The following ZNF106 variants were observed in gnomAD, a reference collection of about 807,000 sequenced individuals.
The protein encoded by ZNF106 is zinc finger protein 106, also known as SH3-domain binding protein 3.
A neutral mutation model predicts 195.1 loss-of-function variants in ZNF106; 67 were observed. The ratio of observed to expected loss-of-function variants is 0.34; its 90% CI spans 0.28 to 0.42. ZNF106 has a LOEUF of 0.42. Among genes scored for constraint, ZNF106 ranks in the 10% least tolerant of loss-of-function variants. The probability of loss-of-function intolerance (pLI) is 1.00; values close to 1 mark genes in which losing one functional copy is unlikely to be tolerated. For synonymous variants in ZNF106, 784 were observed against 818.6 expected (o/e 0.96, Z 0.72); for missense variants, 2,118 against 2,304.5 (o/e 0.92, Z 1.66).
At position 42,416,734 on chromosome 15, in the gene ZNF106, C is replaced by T. The variant is rs1007233324; in HGVS notation, c.*570G>A. 6.6e-6 allele frequency: 1 copy of T among 152,242 alleles called. No homozygotes were observed. The highest frequency in any genetic ancestry group is 1.5e-5 in the Non-Finnish European group (1 of 68,066). 9.4% of individuals were successfully genotyped at this position (152,242 alleles called of 1,614,324 possible). The stretch of plus-strand genomic sequence containing the variant: ...CAAAAATCTACTGTGTCCTTTAGCA[C>T]TTAAAGCCAGCTCTATCTATAAAGC... On this transcript the variant is annotated 3_prime_UTR_variant, in exon 22 of 22. Coordinates refer to ENST00000564754, the MANE Select transcript of ZNF106 (RefSeq NM_001366845.3).
intron 17 of ZNF106, among the ~76,000 whole-genome samples, chr15:42,423,314 G>T (rs1452609110): frequency 6.6e-6 from 1 of 151,726 alleles, no homozygotes; most frequent in Non-Finnish European, 1.5e-5. Flanking sequence ...AGGCTGCAGT[G>T]AGTCAAGATC....
intron 13 of ZNF106, among the ~76,000 whole-genome samples, chr15:42,435,836 A>G (rs1293221853): frequency 6.6e-6 from 1 of 152,240 alleles, no homozygotes; most frequent in Admixed American, 6.5e-5. Flanking sequence ...AGGACCTAGC[A>G]AATCCAAACT....
At chr15:42,431,540 C>T (rs1234490608) in intron 14 of ZNF106, among the ~76,000 whole-genome samples, 1 of 151,934 alleles carries the variant, frequency 6.6e-6, no homozygotes, top group Non-Finnish European at 1.5e-5. Context: ...ATTACAGGCA[C>T]GTACCACCAG....
chr15:42,417,986 AAG>A lies in ZNF106; in HGVS notation c.5518-37_5518-36del, dbSNP rs370787557. 148 of 1,605,180 alleles carry A rather than the reference AAG, an allele frequency of 9.2e-5. No homozygotes were observed. In the African/African-American group the frequency reaches 1.8e-3, roughly 19 times the overall value. ...AAGAAAATGAGGAGACTCGGTGAAA[AAG>A]GGTGCAGTGAACGTGAATCAGAACA... On this transcript the variant is annotated intron_variant, in intron 20 of 21. Transcript: ENST00000564754.
intron 20 of ZNF106, among the ~76,000 whole-genome samples, chr15:42,420,270 C>A (rs1303364814): frequency 6.6e-6 from 1 of 152,120 alleles, no homozygotes; most frequent in Non-Finnish European, 1.5e-5. Context: ...CTCCATCTTG[C>A]CCAGATGTGA....
At chr15:42,465,089 T>C (rs1294161873) in intron 3 of ZNF106, among the ~76,000 whole-genome samples, 1 of 152,194 alleles carries the variant, frequency 6.6e-6, no homozygotes, top group Non-Finnish European at 1.5e-5. Flanking sequence ...ACTAATACAA[T>C]GGGGTTTCCC....
At chr15:42,445,281 C>T (rs1420043357) in intron 7 of ZNF106, among the ~76,000 whole-genome samples, 1 of 152,216 alleles carries the variant, frequency 6.6e-6, no homozygotes, top group East Asian at 1.9e-4. Flanking sequence ...ATGCAAACCA[C>T]CTGTTCTAGG....
In ZNF106 at chr15:42,450,488, G is replaced by A; in HGVS notation, c.1784C>T (p.Ser595Phe). The A allele has an allele frequency of 6.2e-7, 1 of 1,613,754 alleles. No individual in the cohort carries two copies. The highest frequency in any genetic ancestry group is 1.1e-5 in the South Asian group (1 of 91,002). ...CTCAATTTTCAAAGACCCTTTTTCA[G>A]ATTCTTCTACATTTCTACTTGCTTT... ...YAKASRNVEE[S>F]EKGSLKIEFQ... The change falls in exon 5 of 22, where the codon TCT (serine) becomes TTT (phenylalanine). Residue 595 changes from serine (S) to phenylalanine (F), a missense_variant. By Grantham distance (155) the Ser-to-Phe change is radical (BLOSUM62 -2). Coordinates refer to ENST00000564754, the MANE Select transcript of ZNF106 (RefSeq NM_001366845.3).
Position 42,421,921 on chromosome 15 carries a change from C to A in ZNF106, c.5441G>T (p.Ser1814Ile). 1 of 1,550,916 alleles carries A rather than the reference C, an allele frequency of 6.4e-7. No homozygotes were observed. Among genetic ancestry groups the A allele is most frequent in the Middle Eastern group, 1.7e-4 (1 of 5,776 alleles). The change falls in exon 19 of 22, where the codon AGC (serine) becomes ATC (isoleucine). Residue 1814 changes from serine to isoleucine, a missense_variant. Transcript: ENST00000564754. ...DMIMCMTIHK[S>I]MIYTGCYDGS... ...TACATGACAAATAACACTCACCATG[C>A]TTTTATGGATGGTCATACACATAAT...
rs777932261 is a variant in ZNF106 at position 42,438,612 on chromosome 15, C to T, written c.4600G>A (p.Glu1534Lys). The change falls in exon 12 of 22, where the codon GAA (glutamate) becomes AAA (lysine). Residue 1534 changes from glutamate (E) to lysine (K), a missense_variant and splice_region_variant. Physicochemically the swap from Glu to Lys is moderately conservative, Grantham distance 56 (BLOSUM62 1). Coordinates refer to ENST00000564754, the MANE Select transcript of ZNF106 (RefSeq NM_001366845.3). ...TTAAATAAAACTGAACAGCAAATAC[C>T]TGAAGAATTCTTTGATCCTTTTATG... is the stretch of plus-strand genomic sequence containing the variant. ...SSIKGSKNSS[E>K]ISSEPGDDDE... 6.2e-7 allele frequency: 1 copy of T among 1,613,050 alleles called. No individual in the cohort carries two copies. The highest frequency in any genetic ancestry group is 8.5e-7 in the Non-Finnish European group (1 of 1,179,320).
intron 6 of ZNF106, among the ~76,000 whole-genome samples, chr15:42,447,592 C>CA (rs2055820096): frequency 6.6e-6 from 1 of 152,156 alleles, no homozygotes; most frequent in African/African-American, 2.4e-5. Context: ...GACAGAGTTA[C>CA]ACAGACTAAA....
chr15:42,442,358 G>T lies in ZNF106; in HGVS notation c.3478C>A (p.Arg1160=), dbSNP rs764634579. The change falls in exon 10 of 22, where the codon CGA becomes AGA. Residue 1160 remains arginine, a synonymous_variant. Transcript: ENST00000564754. ...DQVPCSLTRE[R]RNSRSQTSID... ...GATGTTTGAGATCTACTGTTCCTTC[G>T]TTCTCGTGTGAGGCTACAGGGAACC... The T allele has an allele frequency of 3.7e-6, 6 of 1,614,032 alleles. No individual in the cohort carries two copies. In the African/African-American group the frequency reaches 8.0e-5, roughly 22 times the overall value.
chr15:42,448,296 A>G lies in ZNF106; in HGVS notation c.2911T>C (p.Leu971=), dbSNP rs746573778. The part of the protein sequence containing the change: ...AQLSSDHIIP[L]MHLAKDLNSQ... ...TTCAAGTCTTTTGCCAAATGCATCA[A>G]AGGTATTATATGGTCAGAGGATAAT... is the stretch of plus-strand genomic sequence containing the variant. The change falls in exon 6 of 22, where the codon TTG becomes CTG. Residue 971 remains leucine (L), a synonymous_variant. Transcript: ENST00000564754. 1.2e-6 allele frequency: 2 copies of G among 1,614,152 alleles called. No individual in the cohort carries two copies. The highest frequency in any genetic ancestry group is 1.1e-5 in the South Asian group (1 of 91,090).
At chr15:42,445,951 G>A (rs1251571494) in intron 7 of ZNF106, among the ~76,000 whole-genome samples, 9 of 152,146 alleles carry the variant, frequency 5.9e-5, no homozygotes, top group Admixed American at 5.9e-4. Flanking sequence ...TGTGGAGGTG[G>A]GGCAGCGGGG....
At chr15:42,481,762 T>G (rs2141452322) in intron 1 of ZNF106, among the ~76,000 whole-genome samples, 1 of 152,318 alleles carries the variant, frequency 6.6e-6, no homozygotes, top group East Asian at 1.9e-4. Context: ...TGACCTCCAC[T>G]GTTTCTGATG....
chr15:42,466,288 T>A (rs569345815), intron 2 of ZNF106, among the ~76,000 whole-genome samples, 174 bp from the exon 3 acceptor site: 13 of 152,338 alleles, frequency 8.5e-5, no homozygotes, highest in African/African-American at 2.6e-4. Context: ...CTGTGTTTTT[T>A]AATATATTTC....
chr15:42,439,900 G>A (rs774521145), intron 10 of ZNF106, 87 bp from the exon 11 acceptor site: 3 of 1,335,832 alleles, frequency 2.2e-6, no homozygotes, highest in Non-Finnish European at 3.0e-6. Context: ...ATATTTCAAT[G>A]ATATGTTCAG....
chr15:42,487,541 C>A (rs2057044940), intron 1 of ZNF106, among the ~76,000 whole-genome samples: 1 of 151,284 alleles, frequency 6.6e-6, no homozygotes, highest in South Asian at 2.1e-4. Flanking sequence ...ATTACTACCC[C>A]CTCCTGTTTC....
chr15:42,460,784 C>G (rs2056371340), intron 3 of ZNF106, among the ~76,000 whole-genome samples: 1 of 150,510 alleles, frequency 6.6e-6, no homozygotes, highest in Non-Finnish European at 1.5e-5. Context: ...CGCTTGAACC[C>G]AGGAGGTGGA....
Sources: gnomAD v4.1 joint callset for allele counts (sites outside exome capture counted in the v4.1 genomes callset) on GRCh38, gnomAD v4.1.1 for gene constraint, MANE v1.5 for transcripts, NCBI Gene and HGNC (gene_info 2026-07-23, HGNC 2026-07-21) for gene names.